Variants in HID1 observed in about 807,000 individuals in gnomAD.
HID1 encodes the protein protein HID1.
In HID1, 42 loss-of-function variants were observed where a neutral mutation model predicts 89.7. That is an observed-to-expected ratio of 0.47 (90% CI 0.37 to 0.61). HID1 has a LOEUF of 0.61. Ranked by LOEUF, HID1 falls within the 20% of genes least tolerant of loss-of-function variation. HID1 has a pLI of 0.00. For missense variants in HID1, 854 were observed against 1,039.3 expected, an observed-to-expected ratio of 0.82 and a Z score of 2.45; for synonymous variants, 442 against 433.8, an observed-to-expected ratio of 1.02 and a Z score of -0.24.
chr17:74,954,430 TG>T, intron 13 of HID1, 65 bp from the exon 14 acceptor site: 1 of 1,544,754 alleles, frequency 6.5e-7, no homozygotes, highest in Non-Finnish European at 8.7e-7. Flanking sequence ...CCAATCTGGG[TG>T]GGCTTCCTGG....
At position 74,966,395 on chromosome 17, in the gene HID1, T is replaced by C. The variant is rs991474276; in HGVS notation, c.67-1763A>G. 6.4e-5 allele frequency among the ~76,000 whole-genome samples: 9 copies of C among 139,694 alleles called. No homozygotes were observed. The South Asian group carries it at 8.3e-4, about 13-fold the overall frequency. 91.6% of individuals were successfully genotyped at this position (139,694 alleles called of 152,430 possible). On this transcript the variant is annotated intron_variant, in intron 1 of 18. Transcript: ENST00000425042. ...CTTTATGTTTTTCTGTAAGAGCACATGTTACTATTTTTTTCCTTTTGAATG... is the reference window on the plus strand; with the variant it reads ...CTTTATGTTTTTCTGTAAGAGCACACGTTACTATTTTTTTCCTTTTGAATG...
At chr17:74,965,981 A>G (rs1325070196) in intron 1 of HID1, among the ~76,000 whole-genome samples, 1 of 151,580 alleles carries the variant, frequency 6.6e-6, no homozygotes, top group Non-Finnish European at 1.5e-5. Flanking sequence ...ATGTTAAATT[A>G]TACATGAATA....
chr17:74,970,088 T>G (rs953630872), intron 1 of HID1, among the ~76,000 whole-genome samples: 2 of 151,812 alleles, frequency 1.3e-5, no homozygotes, highest in African/African-American at 4.8e-5. Context: ...GGCTAATTTT[T>G]GTATTTTTAG....
Position 74,951,252 on chromosome 17 carries a change from A to G in HID1, c.*318T>C. 1 of 423,170 alleles carries G rather than the reference A, an allele frequency of 2.4e-6. No individual in the cohort carries two copies. The highest frequency in any genetic ancestry group is 4.3e-6 in the Non-Finnish European group (1 of 233,938). The allele number at this position is 423,170 out of a possible 1,614,324, so 26.2% of individuals were successfully genotyped here. A position where few individuals can be genotyped will look rare whatever the true frequency, so the allele number is the denominator to read the frequency against. On this transcript the variant is annotated 3_prime_UTR_variant, in exon 19 of 19. Transcript: ENST00000425042. ...GCTTCTGCCTCTGGGGCTGGGTAGC[A>G]CAGGAGTGGGTGGGCACTGAGGGGC...
intron 6 of HID1, among the ~76,000 whole-genome samples, chr17:74,960,570 C>G (rs1006989379): frequency 6.6e-6 from 1 of 152,236 alleles, no homozygotes; most frequent in Non-Finnish European, 1.5e-5. Context: ...TGACTCCACT[C>G]AGACTCAAGA....
rs1005504630 is a variant in HID1, at chr17:74,972,367, G to A, written c.66+224C>T. On this transcript the variant is annotated intron_variant, in intron 1 of 18. Transcript: ENST00000425042. The surrounding 1 kb of genome is among the most constrained non-coding windows in gnomAD (Gnocchi z 6.4). Reference sequence around the variant, plus strand: ...CTAAGGTGGCAGCAGCGGCTTCGGGGAGAGGGGTGTTCCCAGGAGAGGAGG... The same window carrying A: ...CTAAGGTGGCAGCAGCGGCTTCGGGAAGAGGGGTGTTCCCAGGAGAGGAGG... Among the ~76,000 whole-genome samples the A allele has an allele frequency of 6.6e-6, 1 of 152,202 alleles. No individual in the cohort carries two copies. Among genetic ancestry groups the A allele is most frequent in the Non-Finnish European group, 1.5e-5 (1 of 68,018 alleles).
rs369157411 is a variant in HID1, at chr17:74,958,130, C to T, written c.1471+11G>A. ...TGGTGAGCGCGGGGAGTGCAAGCTC[C>T]GGGCCCCTACCGTTGACCACGATGG... On this transcript the variant is annotated intron_variant, in intron 12 of 18. Transcript: ENST00000425042. This position sits in a 1 kb window ranked among gnomAD's most constrained non-coding sequence, Gnocchi z 5.2. 97 of 1,596,202 alleles carry T rather than the reference C, an allele frequency of 6.1e-5. No individual in the cohort carries two copies. The highest frequency in any genetic ancestry group is 7.7e-5 in the Non-Finnish European group (90 of 1,172,522).
At chr17:74,966,850 T>C (rs956960178) in intron 1 of HID1, among the ~76,000 whole-genome samples, 1 of 151,986 alleles carries the variant, frequency 6.6e-6, no homozygotes, top group Non-Finnish European at 1.5e-5. Context: ...GAGGCTAAGG[T>C]GGGAGGATCC....
At chr17:74,963,249 G>A (rs2144819206) in intron 3 of HID1, 168 bp from the exon 4 acceptor site, 2 of 571,168 alleles carry the variant, frequency 3.5e-6, no homozygotes, top group East Asian at 3.0e-5. Context: ...TCCCAAGGCA[G>A]AAGTGGGGCA....
rs770522388 is a variant in HID1, at chr17:74,958,186, G to A, written c.1426C>T (p.Arg476Trp). 3.7e-6 allele frequency: 6 copies of A among 1,610,796 alleles called. No homozygotes were observed. The highest frequency in any genetic ancestry group is 3.4e-5 in the Admixed American group (2 of 59,618). ...AGGCAGTCGAAGAGGGGCTGCAACCGCTGGTGCCCGCTGGTGATGATCTTG... is the reference window on the plus strand; with the variant it reads ...AGGCAGTCGAAGAGGGGCTGCAACCACTGGTGCCCGCTGGTGATGATCTTG... ...FHKIITSGHQRLQPLFDCLLT... is the reference protein window; with the variant it reads ...FHKIITSGHQWLQPLFDCLLT... Residue 476 changes from arginine to tryptophan, a missense_variant, in exon 12 of 19, where the codon CGG becomes TGG. Transcript: ENST00000425042. The surrounding 1 kb of genome is among the most constrained non-coding windows in gnomAD (Gnocchi z 5.2).
intron 16 of HID1, 66 bp downstream of exon 16, chr17:74,952,940 C>T: frequency 2.3e-6 from 3 of 1,302,050 alleles, no homozygotes; most frequent in Non-Finnish European, 2.1e-6. Context: ...CCCAACCCAG[C>T]TCCCGCCTCA....
intron 2 of HID1, 59 bp from the exon 3 acceptor site, chr17:74,963,969 TTGGG>T: frequency 6.3e-7 from 1 of 1,583,660 alleles, no homozygotes; most frequent in Non-Finnish European, 8.6e-7. Context: ...ACCCTGGCAC[TTGGG>T]GTCAGGGTGG....
chr17:74,971,864 G>A (rs1314462308), intron 1 of HID1, among the ~76,000 whole-genome samples: 1 of 152,152 alleles, frequency 6.6e-6, no homozygotes, highest in East Asian at 1.9e-4. Flanking sequence ...CTGACTGAGG[G>A]CCATCCTGCG....
intron 1 of HID1, among the ~76,000 whole-genome samples, chr17:74,966,076 G>A (rs900963308): frequency 6.6e-6 from 1 of 151,906 alleles, no homozygotes; most frequent in Non-Finnish European, 1.5e-5. Context: ...CACAAGGTCA[G>A]GAGTTCAAGA....
chr17:74,953,004 A>G lies in HID1; in HGVS notation c.2052+2T>C. 6.2e-7 allele frequency: 1 copy of G among 1,602,018 alleles called. No individual in the cohort carries two copies. Among genetic ancestry groups the G allele is most frequent in the Non-Finnish European group, 8.5e-7 (1 of 1,175,194 alleles). ...CTCGCCTGGCACAGGGTCCCTCCTCACCCACTCTGGCGTTGGGCTCCACTG... is the reference window on the plus strand; with the variant it reads ...CTCGCCTGGCACAGGGTCCCTCCTCGCCCACTCTGGCGTTGGGCTCCACTG... On this transcript the variant is annotated splice_donor_variant, in intron 16 of 18. Transcript: ENST00000425042. LOFTEE classifies it high-confidence loss of function.
chr17:74,951,943 C>A lies in HID1; in HGVS notation c.2265G>T (p.Met755Ile). The change falls in exon 18 of 19, where the codon ATG (methionine) becomes ATT (isoleucine). Residue 755 changes from methionine (M) to isoleucine (I), a missense_variant. Met to Ile is a conservative substitution (Grantham distance 10). Transcript: ENST00000425042. ...RKYQANSGTA[M>I]WFRTYMWGVI... The stretch of plus-strand genomic sequence containing the variant: ...CGCCCCACATGTAGGTGCGGAACCA[C>A]ATGGCAGTGCCCGAGTTGGCCTGGT... The A allele has an allele frequency of 6.4e-7, 1 of 1,558,072 alleles. No individual in the cohort carries two copies. Among genetic ancestry groups the A allele is most frequent in the Non-Finnish European group, 8.7e-7 (1 of 1,151,746 alleles).
chr17:74,972,580 C>A lies in HID1; in HGVS notation c.66+11G>T. The A allele has an allele frequency of 6.5e-7, 1 of 1,546,504 alleles. No individual in the cohort carries two copies. The highest frequency in any genetic ancestry group is 8.7e-7 in the Non-Finnish European group (1 of 1,144,554). Reference sequence around the variant, plus strand: ...CAGGTGGATGGGGACGCCGGGGCCCCCGTGGCGCACCTGCGTCTTGGTGGT... The same window carrying A: ...CAGGTGGATGGGGACGCCGGGGCCCACGTGGCGCACCTGCGTCTTGGTGGT... On this transcript the variant is annotated intron_variant, in intron 1 of 18. Transcript: ENST00000425042. The surrounding 1 kb of genome is among the most constrained non-coding windows in gnomAD (Gnocchi z 6.4).
intron 18 of HID1, 104 bp from the exon 19 acceptor site, chr17:74,951,737 G>A (rs759743360): frequency 3.6e-6 from 5 of 1,391,130 alleles, no homozygotes; most frequent in African/African-American, 2.8e-5. Context: ...TTTCCATCCC[G>A]ATGTCCCACC....
chr17:74,972,472 G>C lies in HID1; in HGVS notation c.66+119C>G. On this transcript the variant is annotated intron_variant, in intron 1 of 18. Coordinates refer to ENST00000425042, the MANE Select transcript of HID1 (RefSeq NM_030630.3). The surrounding 1 kb of genome is among the most constrained non-coding windows in gnomAD (Gnocchi z 6.4). Reference sequence around the variant, plus strand: ...GTCCCGTTCCGGCGCTGGCCTTGGCGTTACGCTCGGGGCCCGCCCGTCCCC... The same window carrying C: ...GTCCCGTTCCGGCGCTGGCCTTGGCCTTACGCTCGGGGCCCGCCCGTCCCC... 1 of 980,600 alleles carries C rather than the reference G, an allele frequency of 1.0e-6. No homozygotes were observed. Among genetic ancestry groups the C allele is most frequent in the Non-Finnish European group, 1.5e-6 (1 of 677,584 alleles). The allele number at this position is 980,600 out of a possible 1,614,324, so 60.7% of individuals were successfully genotyped here. A position where few individuals can be genotyped will look rare whatever the true frequency, so the allele number is the denominator to read the frequency against.
Sources: allele counts gnomAD v4.1 joint callset (sites outside exome capture counted in the v4.1 genomes callset), GRCh38; gene constraint gnomAD v4.1.1; non-coding constraint Gnocchi (gnomAD v3.1); transcripts MANE v1.5; gene names NCBI Gene and HGNC (gene_info 2026-07-23, HGNC 2026-07-21).